The following PARD3B variants were observed in gnomAD, a reference collection of about 807,000 sequenced individuals.
The protein encoded by PARD3B is partitioning defective 3 homolog B.
Under a neutral mutation model 130.2 loss-of-function variants are expected in PARD3B, and 103 were observed. That is an observed-to-expected ratio of 0.79 (90% CI 0.67 to 0.93). The LOEUF (loss-of-function observed/expected upper bound fraction) is 0.93, where lower values mean the gene tolerates loss of function less well. PARD3B is among the 40% of genes least tolerant of loss of function. PARD3B has a pLI of 0.00. For synonymous variants in PARD3B, 583 were observed against 553.2 expected (o/e 1.05, Z -0.76); for missense variants, 1,609 against 1,499.2 (o/e 1.07, Z -1.21).
chr2:205,523,217 G>A (rs1301399234), intron 21 of PARD3B, among the ~76,000 whole-genome samples: 3 of 58,542 alleles, frequency 5.1e-5, no homozygotes, highest in Non-Finnish European at 7.4e-5. Context: ...ATATGTGTGT[G>A]TGTGTGTGTA....
At chr2:205,159,584 C>A (rs989575856) in intron 11 of PARD3B, among the ~76,000 whole-genome samples, 3 of 152,192 alleles carry the variant, frequency 2.0e-5, no homozygotes, top group African/African-American at 4.8e-5. Context: ...TCTCCCATTT[C>A]CTCACCGGTA....
chr2:205,040,470 A>G (rs1337398042), intron 3 of PARD3B, among the ~76,000 whole-genome samples: 1 of 152,122 alleles, frequency 6.6e-6, no homozygotes, highest in Non-Finnish European at 1.5e-5. Flanking sequence ...GGATACACCC[A>G]TATTTTTTCA....
intron 15 of PARD3B, among the ~76,000 whole-genome samples, chr2:205,206,815 G>C (rs2037342735): frequency 6.6e-6 from 1 of 151,674 alleles, no homozygotes; most frequent in South Asian, 2.1e-4. Context: ...CAACGAGACA[G>C]AAAGTCAACA....
intron 16 of PARD3B, among the ~76,000 whole-genome samples, chr2:205,271,175 G>A (rs2040710706): frequency 6.6e-6 from 1 of 152,116 alleles, no homozygotes; most frequent in Non-Finnish European, 1.5e-5. Context: ...AAGCAGAGAA[G>A]AAAAAAATCA....
At chr2:204,570,757 G>A (rs548409741) in intron 1 of PARD3B, among the ~76,000 whole-genome samples, 1 of 150,634 alleles carries the variant, frequency 6.6e-6, no homozygotes, top group African/African-American at 2.4e-5. Context: ...TGTAACTGAG[G>A]TGTATAAGCT....
At chr2:205,181,345 C>CAATAAACATTG (rs2035776904) in intron 13 of PARD3B, among the ~76,000 whole-genome samples, 1 of 152,220 alleles carries the variant, frequency 6.6e-6, no homozygotes, top group Admixed American at 6.5e-5. Context: ...TTATACGTTT[C>CAATAAACATTG]AATTTGGCTA....
At chr2:205,305,208 C>T (rs1333524310) in intron 18 of PARD3B, among the ~76,000 whole-genome samples, 1 of 152,158 alleles carries the variant, frequency 6.6e-6, no homozygotes, top group Non-Finnish European at 1.5e-5. Flanking sequence ...CAGCTCATGT[C>T]ACTGGTCCTC....
intron 3 of PARD3B, among the ~76,000 whole-genome samples, chr2:205,018,959 T>C (rs1402338110): frequency 6.6e-6 from 1 of 152,146 alleles, no homozygotes; most frequent in Non-Finnish European, 1.5e-5. Context: ...TGGGTGGTTC[T>C]TTTTGACTTA....
At chr2:205,377,517 C>A (rs1300414057) in intron 18 of PARD3B, among the ~76,000 whole-genome samples, 1 of 151,976 alleles carries the variant, frequency 6.6e-6, no homozygotes, top group Admixed American at 6.6e-5. Context: ...AGAACCAGCA[C>A]CCAGATGAGC....
rs1248732879 is a variant in PARD3B, at chr2:205,378,319, A to C, written c.2631-22694A>C. On this transcript the variant is annotated intron_variant, in intron 18 of 22. Transcript: ENST00000406610. Reference sequence around the variant, plus strand: ...AACTACTGATCTCAGTGCCCTGAACAGGCAGGTTGAACAAAGGGATTCGAG... The same window carrying C: ...AACTACTGATCTCAGTGCCCTGAACCGGCAGGTTGAACAAAGGGATTCGAG... Among the ~76,000 whole-genome samples the C allele has an allele frequency of 2.0e-5, 3 of 152,216 alleles. No homozygotes were observed. The East Asian group carries it at 5.8e-4, about 29-fold the overall frequency.
At chr2:205,284,848 G>A (rs2105850091) in intron 16 of PARD3B, among the ~76,000 whole-genome samples, 1 of 151,974 alleles carries the variant, frequency 6.6e-6, no homozygotes. Flanking sequence ...TATATCTAGT[G>A]CCAATAACTC....
intron 1 of PARD3B, among the ~76,000 whole-genome samples, chr2:204,645,404 A>G (rs1348039329): frequency 1.3e-5 from 2 of 152,190 alleles, no homozygotes; most frequent in Non-Finnish European, 2.9e-5. Context: ...TTCAAGAGAA[A>G]AATTAATACA....
chr2:204,753,462 A>G (rs1271779113), intron 2 of PARD3B, among the ~76,000 whole-genome samples: 1 of 152,150 alleles, frequency 6.6e-6, no homozygotes, highest in Admixed American at 6.6e-5. Flanking sequence ...TTCCCATTCT[A>G]TACTGGCTTG....
chr2:205,303,163 G>A (rs1433446654), intron 18 of PARD3B, among the ~76,000 whole-genome samples: 1 of 152,076 alleles, frequency 6.6e-6, no homozygotes, highest in African/African-American at 2.4e-5. Flanking sequence ...TCTGCCTGTT[G>A]GACCTGAACC....
intron 1 of PARD3B, among the ~76,000 whole-genome samples, chr2:204,562,303 C>T (rs1408763135): frequency 6.6e-6 from 1 of 152,128 alleles, no homozygotes; most frequent in Non-Finnish European, 1.5e-5. Context: ...ACTCAGAAAT[C>T]CTCACAGCGC....
chr2:205,282,128 T>C (rs2041213819), intron 16 of PARD3B, among the ~76,000 whole-genome samples: 1 of 152,018 alleles, frequency 6.6e-6, no homozygotes. Flanking sequence ...AGGAGAAAAA[T>C]CCAAGATATA....
At chr2:205,036,927 A>G (rs1409009567) in intron 3 of PARD3B, among the ~76,000 whole-genome samples, 1 of 151,326 alleles carries the variant, frequency 6.6e-6, no homozygotes, top group African/African-American at 2.4e-5. Context: ...TATATATAAA[A>G]AACATATAGT....
At chr2:204,585,483 G>T (rs1034556861) in intron 1 of PARD3B, among the ~76,000 whole-genome samples, 9 of 150,796 alleles carry the variant, frequency 6.0e-5, no homozygotes, top group African/African-American at 2.0e-4. Context: ...ACAGGTGGAT[G>T]CCACCATGCC....
intron 1 of PARD3B, among the ~76,000 whole-genome samples, chr2:204,605,333 A>C (rs2125109795): frequency 6.6e-6 from 1 of 152,306 alleles, no homozygotes; most frequent in East Asian, 1.9e-4. Flanking sequence ...CCATGTCATA[A>C]ATTTCTGAAT....
Sources: gnomAD v4.1 joint callset for allele counts (sites outside exome capture counted in the v4.1 genomes callset) on GRCh38, gnomAD v4.1.1 for gene constraint, MANE v1.5 for transcripts, NCBI Gene and HGNC (gene_info 2026-07-23, HGNC 2026-07-21) for gene names.